Variants in CSN3 observed in about 807,000 individuals in gnomAD.
The protein encoded by CSN3 is casein kappa.
In CSN3, 7 loss-of-function variants were observed where a neutral mutation model predicts 9.9. The ratio of observed to expected loss-of-function variants is 0.71; its 90% CI spans 0.40 to 1.33. The LOEUF (loss-of-function observed/expected upper bound fraction) is 1.33. CSN3 is among the 40% of genes most tolerant of loss of function. CSN3 has a pLI of 0.01. For missense variants in CSN3, 253 were observed against 227.9 expected (o/e 1.11, Z -0.71); for synonymous variants, 88 against 82.3 (o/e 1.07, Z -0.37).
intron 2 of CSN3, among the ~76,000 whole-genome samples, chr4:70,247,531 T>A (rs377577077): frequency 1.6e-4 from 24 of 152,218 alleles, no homozygotes; most frequent in African/African-American, 5.8e-4. Context: ...AGCATATTTG[T>A]TGGCATGGGA....
At chr4:70,246,518 T>TA (rs893098772) in intron 2 of CSN3, among the ~76,000 whole-genome samples, 19 of 151,424 alleles carry the variant, frequency 1.3e-4, no homozygotes, top group African/African-American at 3.6e-4. Flanking sequence ...ATGATATAAA[T>TA]AAAAAAAAGA....
intron 2 of CSN3, 82 bp downstream of exon 2, chr4:70,244,955 A>G: frequency 1.4e-6 from 1 of 694,214 alleles, no homozygotes. Flanking sequence ...ACTTCTAAAT[A>G]CAATTATGCT....
At chr4:70,247,749 A>T in intron 2 of CSN3, 69 bp from the exon 3 acceptor site, 1 of 1,271,356 alleles carries the variant, frequency 7.9e-7, no homozygotes, top group Non-Finnish European at 1.1e-6. Context: ...GATTTTTTTA[A>T]CTGATTTAAG....
chr4:70,251,309 G>A (rs905512437), exon 5 of CSN3: 2 of 152,134 alleles, frequency 1.3e-5, no homozygotes, highest in Non-Finnish European at 2.9e-5. Context: ...TCAGCCATTT[G>A]TCTGCCTTCA....
intron 4 of CSN3, among the ~76,000 whole-genome samples, chr4:70,249,769 T>C (rs530044014): frequency 4.2e-4 from 64 of 152,338 alleles, no homozygotes; most frequent in Admixed American, 1.1e-3. Context: ...TCTTAGAATG[T>C]AATAGTTTTA....
At chr4:70,248,822 A>G (rs1286453981) in intron 3 of CSN3, among the ~76,000 whole-genome samples, 176 bp from the exon 4 acceptor site, 1 of 151,984 alleles carries the variant, frequency 6.6e-6, no homozygotes, top group Non-Finnish European at 1.5e-5. Flanking sequence ...AAAATCATAA[A>G]GTGGAAAGGC....
intron 2 of CSN3, among the ~76,000 whole-genome samples, chr4:70,247,118 T>C (rs1730393636): frequency 6.6e-6 from 1 of 152,216 alleles, no homozygotes; most frequent in Admixed American, 6.5e-5. Flanking sequence ...AGTCATTTTA[T>C]ACCCAAGGAA....
chr4:70,240,431 C>A (rs62307447), upstream of CSN3, among the ~76,000 whole-genome samples: 17,226 of 151,890 alleles, frequency 0.11, 1,290 homozygotes, highest in East Asian at 0.27. Flanking sequence ...TCAGGCCATG[C>A]CCCTGTTGAT....
chr4:70,240,616 A>T (rs1730255338), upstream of CSN3, among the ~76,000 whole-genome samples: 1 of 151,900 alleles, frequency 6.6e-6, no homozygotes, highest in South Asian at 2.1e-4. Flanking sequence ...TCCATTATAG[A>T]ATCCATCTAA....
At chr4:70,249,632 C>T (rs191548817) in intron 4 of CSN3, 139 bp downstream of exon 4, 143 of 600,244 alleles carry the variant, frequency 2.4e-4, no homozygotes, top group East Asian at 2.4e-3. Context: ...TACAGTTTTA[C>T]CTTGGTAAAC....
upstream of CSN3, among the ~76,000 whole-genome samples, chr4:70,239,682 C>T (rs1730234029): frequency 6.6e-6 from 1 of 151,904 alleles, no homozygotes; most frequent in Admixed American, 6.6e-5. Context: ...CTTAGATAAT[C>T]TCTACAAACA....
At chr4:70,242,790 G>A (rs900840309) in intron 1 of CSN3, 125 bp downstream of exon 1, 2 of 152,016 alleles carry the variant, frequency 1.3e-5, no homozygotes, top group African/African-American at 4.8e-5. Flanking sequence ...ATATGACCTA[G>A]CATCACTTTA....
intron 1 of CSN3, chr4:70,243,254 A>G (rs1489006225): frequency 1.6e-6 from 1 of 626,294 alleles, no homozygotes; most frequent in East Asian, 1.4e-4. Context: ...ATTTTATAGA[A>G]TATTTTCTTT....
At chr4:70,248,190 G>C (rs1730416229) in intron 3 of CSN3, among the ~76,000 whole-genome samples, 1 of 152,046 alleles carries the variant, frequency 6.6e-6, no homozygotes, top group South Asian at 2.1e-4. Flanking sequence ...TAAGACAAGG[G>C]AAGATCCTTT....
chr4:70,243,492 G>T (rs1240422694), intron 1 of CSN3, among the ~76,000 whole-genome samples: 5 of 152,016 alleles, frequency 3.3e-5, no homozygotes, highest in Admixed American at 6.6e-5. Context: ...AGTCACTTTA[G>T]TAGACAGCCT....
At chr4:70,238,521 G>T (rs1730215556), upstream of CSN3, among the ~76,000 whole-genome samples, 4 of 151,890 alleles carry the variant, frequency 2.6e-5, no homozygotes, top group South Asian at 8.3e-4. Flanking sequence ...TGAATGTATT[G>T]TAAGTGCATA....
chr4:70,244,004 G>A (rs960268327), intron 1 of CSN3, among the ~76,000 whole-genome samples: 2 of 151,920 alleles, frequency 1.3e-5, no homozygotes, highest in East Asian at 3.9e-4. Context: ...TAGAATTTTA[G>A]AAATCTCTAA....
chr4:70,244,714 G>T, intron 1 of CSN3, 98 bp from the exon 2 acceptor site: 5 of 553,008 alleles, frequency 9.0e-6, no homozygotes, highest in South Asian at 6.8e-5. Flanking sequence ...TGTAAATCTG[G>T]CTTTTTTTCT....
At chr4:70,248,737 C>T (rs111458968) in intron 3 of CSN3, among the ~76,000 whole-genome samples, 17 of 151,992 alleles carry the variant, frequency 1.1e-4, no homozygotes, top group African/African-American at 3.9e-4. Context: ...ATATGGTTTA[C>T]ATTATGAATA....
Sources: gnomAD v4.1 joint callset for allele counts (sites outside exome capture counted in the v4.1 genomes callset) on GRCh38, gnomAD v4.1.1 for gene constraint, MANE v1.5 for transcripts, NCBI Gene and HGNC (gene_info 2026-07-23, HGNC 2026-07-21) for gene names.